CFAP61: variants seen among roughly 807,000 people sequenced by gnomAD.
CFAP61 encodes cilia- and flagella-associated protein 61.
Under a neutral mutation model 135.6 loss-of-function variants are expected in CFAP61, and 107 were observed. That is an observed-to-expected ratio of 0.79 (90% confidence interval 0.67 to 0.93). CFAP61 has a LOEUF of 0.93. Among genes scored for constraint, CFAP61 ranks in the 40% least tolerant of loss-of-function variants. The probability of loss-of-function intolerance (pLI) is 0.00; values close to 1 mark genes in which losing one functional copy is unlikely to be tolerated. For synonymous variants in CFAP61, 575 were observed against 578.5 expected (o/e 0.99, Z 0.09); for missense variants, 1,507 against 1,556.2 (o/e 0.97, Z 0.53).
At chr20:20,296,291 CTCCTTCCCTTCCTTCCT>C (rs1474798451) in intron 24 of CFAP61, among the ~76,000 whole-genome samples, 1 of 47,008 alleles carries the variant, frequency 2.1e-5, no homozygotes, top group East Asian at 6.8e-4. Flanking sequence ...CATCCCTTCC[CTCCTTCCCTTCCTTCCT>C]TCCTTCCCTC....
chr20:20,054,165 A>G (rs567230383), intron 1 of CFAP61, among the ~76,000 whole-genome samples: 2 of 152,016 alleles, frequency 1.3e-5, no homozygotes, highest in Admixed American at 6.5e-5. Context: ...TTCTCAGAAT[A>G]TACCATCTCC....
intron 18 of CFAP61, among the ~76,000 whole-genome samples, chr20:20,242,705 G>A (rs1438003442): frequency 6.6e-6 from 1 of 152,252 alleles, no homozygotes; most frequent in Admixed American, 6.5e-5. Context: ...CTATGAATGT[G>A]CCTTGGGCTC....
At chr20:20,128,649 G>A (rs933519764) in intron 8 of CFAP61, among the ~76,000 whole-genome samples, 3 of 151,678 alleles carry the variant, frequency 2.0e-5, no homozygotes, top group African/African-American at 7.3e-5. Context: ...CACAATGCAA[G>A]CCTCTGCACG....
intron 8 of CFAP61, among the ~76,000 whole-genome samples, chr20:20,109,072 A>G (rs1401436426): frequency 6.6e-6 from 1 of 152,024 alleles, no homozygotes; most frequent in Non-Finnish European, 1.5e-5. Flanking sequence ...GTAGAACGTA[A>G]TTTATTTTTG....
In CFAP61 at chr20:20,288,939, A is replaced by G. The variant is rs1248038232; in HGVS notation, c.3124+3A>G. On this transcript the variant is annotated splice_donor_region_variant and intron_variant, in intron 23 of 26. Transcript: ENST00000245957. ...GTACAAGGGAGCCAAGATTCAAGGT[A>G]TACGAGTAGGCTTCCTTCTCCTTGA... 2 of 1,600,190 alleles carry G rather than the reference A, an allele frequency of 1.2e-6. No individual in the cohort carries two copies. The highest frequency in any genetic ancestry group is 2.2e-5 in the East Asian group (1 of 44,492).
intron 10 of CFAP61, among the ~76,000 whole-genome samples, chr20:20,163,768 C>G (rs1263507600): frequency 6.6e-6 from 1 of 152,064 alleles, no homozygotes; most frequent in Non-Finnish European, 1.5e-5. Context: ...CTCTCCCTCC[C>G]TTTCCCCCCG....
chr20:20,326,583 ACT>A (rs1488414940), intron 25 of CFAP61, among the ~76,000 whole-genome samples: 1 of 152,022 alleles, frequency 6.6e-6, no homozygotes, highest in Non-Finnish European at 1.5e-5. Flanking sequence ...TTTCCCAACA[ACT>A]CTTTCTAAAT....
intron 7 of CFAP61, among the ~76,000 whole-genome samples, chr20:20,091,683 A>G (rs776396824): frequency 6.6e-6 from 1 of 151,976 alleles, no homozygotes; most frequent in Non-Finnish European, 1.5e-5. Context: ...TATTATTATT[A>G]TTATTATTTT....
At chr20:20,333,084 G>C (rs1193203) in intron 25 of CFAP61, among the ~76,000 whole-genome samples, 6,454 of 152,278 alleles carry the variant, frequency 0.042, 466 homozygotes, top group African/African-American at 0.15. Flanking sequence ...GCCAAAGAAA[G>C]ACTTTCTTTG....
At chr20:20,147,745 G>A (rs1048671772) in intron 9 of CFAP61, among the ~76,000 whole-genome samples, 5 of 151,946 alleles carry the variant, frequency 3.3e-5, no homozygotes, top group African/African-American at 1.2e-4. Flanking sequence ...TTTTAGTTTA[G>A]TTAGGTCCAA....
At chr20:20,318,767 C>G (rs1245489594) in intron 25 of CFAP61, among the ~76,000 whole-genome samples, 1 of 152,136 alleles carries the variant, frequency 6.6e-6, no homozygotes, top group African/African-American at 2.4e-5. Context: ...CATGTCCCAG[C>G]CCTGAGGCCA....
At chr20:20,219,887 A>G (rs560042643) in intron 17 of CFAP61, among the ~76,000 whole-genome samples, 1 of 152,318 alleles carries the variant, frequency 6.6e-6, no homozygotes, top group East Asian at 1.9e-4. Context: ...TAAATGATAA[A>G]AGCAACAGAA....
At chr20:20,280,677 A>C (rs140001661) in intron 22 of CFAP61, among the ~76,000 whole-genome samples, 1 of 152,286 alleles carries the variant, frequency 6.6e-6, no homozygotes, top group East Asian at 1.9e-4. Flanking sequence ...TTTGCCTGCT[A>C]TGCACATTCT....
At chr20:20,304,868 C>T (rs11699825) in intron 25 of CFAP61, among the ~76,000 whole-genome samples, 76,307 of 151,580 alleles carry the variant, frequency 0.5, 19,483 homozygotes, top group Middle Eastern at 0.59. Context: ...TGACTCCACT[C>T]CATCGTCTTT....
At chr20:20,226,721 A>G (rs1178867451) in intron 17 of CFAP61, among the ~76,000 whole-genome samples, 1 of 152,206 alleles carries the variant, frequency 6.6e-6, no homozygotes, top group Non-Finnish European at 1.5e-5. Context: ...TCTCTTCTTC[A>G]ACTATCATGC....
intron 11 of CFAP61, among the ~76,000 whole-genome samples, 187 bp from the exon 12 acceptor site, chr20:20,166,210 G>C (rs1446352501): frequency 6.6e-6 from 1 of 152,192 alleles, no homozygotes; most frequent in Non-Finnish European, 1.5e-5. Context: ...CAGTTCTGCA[G>C]AATACTTTAT....
intron 24 of CFAP61, among the ~76,000 whole-genome samples, chr20:20,295,249 G>A (rs1352493749): frequency 6.6e-6 from 1 of 152,162 alleles, no homozygotes; most frequent in East Asian, 1.9e-4. Flanking sequence ...TGAAGGTGGG[G>A]GATTTAGTGA....
chr20:20,065,119 AAAT>A (rs2146551018), intron 2 of CFAP61, among the ~76,000 whole-genome samples: 1 of 152,322 alleles, frequency 6.6e-6, no homozygotes, highest in East Asian at 1.9e-4. Context: ...ATGGGAAAGA[AAAT>A]AATAACCAAC....
intron 13 of CFAP61, 61 bp from the exon 14 acceptor site, chr20:20,187,869 C>T (rs1276408463): frequency 2.3e-6 from 3 of 1,318,358 alleles, no homozygotes; most frequent in South Asian, 1.2e-5. Context: ...ATTCTGTCTC[C>T]ATTTGGGGGG....
Sources: gnomAD v4.1 joint callset for allele counts (sites outside exome capture counted in the v4.1 genomes callset) on GRCh38, gnomAD v4.1.1 for gene constraint, MANE v1.5 for transcripts, NCBI Gene and HGNC (gene_info 2026-07-23, HGNC 2026-07-21) for gene names.